The following LRRC4B variants were observed in gnomAD, a reference collection of about 807,000 sequenced individuals.
LRRC4B encodes leucine rich repeat containing 4B.
In LRRC4B, 1 loss-of-function variant was observed where a neutral mutation model predicts 7.3. The ratio of observed to expected loss-of-function variants is 0.14; its 90% confidence interval spans 0.05 to 0.65. The LOEUF is 0.65. Among genes scored for constraint, LRRC4B ranks in the 30% least tolerant of loss-of-function variants. The probability of loss-of-function intolerance (pLI) is 0.84; values close to 1 mark genes in which losing one functional copy is unlikely to be tolerated. For synonymous variants in LRRC4B, 500 were observed against 499.2 expected, an observed-to-expected ratio of 1.00 and a Z score of -0.02; for missense variants, 730 against 1,041.6, an observed-to-expected ratio of 0.70 and a Z score of 4.12.
chr19:50,552,628 T>TC (rs879523352), intron 1 of LRRC4B, among the ~76,000 whole-genome samples: 32 of 67,868 alleles, frequency 4.7e-4, no homozygotes, highest in East Asian at 1.2e-3. Context: ...ATCCATCCAT[T>TC]CATCCATCCG....
chr19:50,566,766 G>T (rs910603876), intron 1 of LRRC4B, among the ~76,000 whole-genome samples: 1 of 151,592 alleles, frequency 6.6e-6, no homozygotes, highest in African/African-American at 2.4e-5. Flanking sequence ...GGATTGGGGG[G>T]GTCTGAGACT....
chr19:50,538,131 C>A (rs930721646), intron 2 of LRRC4B, among the ~76,000 whole-genome samples: 1 of 94,236 alleles, frequency 1.1e-5, no homozygotes, highest in Non-Finnish European at 2.0e-5. Context: ...ACAATCTCAG[C>A]TCACTGCAAC....
Position 50,534,703 on chromosome 19 carries a change from T to C in LRRC4B, c.297+13839A>G, listed in dbSNP as rs375249323. On this transcript the variant is annotated intron_variant, in intron 2 of 2. Transcript: ENST00000652263. ...CAACTTGGCCTGTGTAGGGGGACTT[T>C]CCACTTTGGTTGTGGTAGGTAAATA... 4.6e-5 allele frequency among the ~76,000 whole-genome samples: 7 copies of C among 152,308 alleles called. No individual in the cohort carries two copies. The South Asian group carries it at 1.5e-3, about 32-fold the overall frequency.
At chr19:50,533,818 G>A (rs11879310) in intron 2 of LRRC4B, among the ~76,000 whole-genome samples, 15,651 of 152,216 alleles carry the variant, frequency 0.1, 860 homozygotes, top group African/African-American at 0.12. Flanking sequence ...ATATCTGGTG[G>A]TTCATAGCTG....
intron 1 of LRRC4B, among the ~76,000 whole-genome samples, chr19:50,559,277 A>G (rs975194228): frequency 2.6e-5 from 4 of 152,156 alleles, no homozygotes; most frequent in African/African-American, 9.7e-5. Context: ...TCTACTAAAA[A>G]TACAAAATTA....
chr19:50,525,216 CGAG>C (rs1219976996), intron 2 of LRRC4B, among the ~76,000 whole-genome samples: 2 of 152,116 alleles, frequency 1.3e-5, no homozygotes, highest in Non-Finnish European at 2.9e-5. Flanking sequence ...ACTCTTACCA[CGAG>C]GAGGATGATG....
chr19:50,526,908 C>T (rs1980834372), intron 2 of LRRC4B, among the ~76,000 whole-genome samples: 1 of 149,980 alleles, frequency 6.7e-6, no homozygotes, highest in African/African-American at 2.4e-5. Flanking sequence ...GGATGGAGTG[C>T]AGTGGCACAA....
At chr19:50,549,970 C>G (rs184636152) in intron 1 of LRRC4B, among the ~76,000 whole-genome samples, 29 of 152,260 alleles carry the variant, frequency 1.9e-4, no homozygotes, top group Non-Finnish European at 3.7e-4. Flanking sequence ...CCTCCCCAAT[C>G]TGTCCTGCCC....
chr19:50,559,324 C>G (rs1197566883), intron 1 of LRRC4B, among the ~76,000 whole-genome samples: 1 of 152,072 alleles, frequency 6.6e-6, no homozygotes, highest in African/African-American at 2.4e-5. Context: ...ATCCCAGCTA[C>G]TGGGGAGGCT....
intron 1 of LRRC4B, among the ~76,000 whole-genome samples, chr19:50,550,450 G>A (rs746408715): frequency 5.4e-5 from 4 of 74,100 alleles, no homozygotes; most frequent in Non-Finnish European, 1.2e-4. Context: ...CTCTCACGGT[G>A]GACTCTCAGG....
chr19:50,543,404 A>G (rs1305250938), intron 2 of LRRC4B, among the ~76,000 whole-genome samples: 1 of 151,026 alleles, frequency 6.6e-6, no homozygotes, highest in Non-Finnish European at 1.5e-5. Flanking sequence ...CAAATGAGGA[A>G]GCCACATAGA....
intron 1 of LRRC4B, among the ~76,000 whole-genome samples, chr19:50,558,793 C>A (rs1407054427): frequency 6.6e-6 from 1 of 152,252 alleles, no homozygotes; most frequent in Non-Finnish European, 1.5e-5. Flanking sequence ...CTGCCTGAGT[C>A]CCTGAAGTGC....
intron 2 of LRRC4B, among the ~76,000 whole-genome samples, chr19:50,533,965 G>A (rs1280811457): frequency 6.6e-6 from 1 of 152,174 alleles, no homozygotes; most frequent in Non-Finnish European, 1.5e-5. Context: ...ACCCTAAACT[G>A]AAACAGTTGG....
chr19:50,555,597 GAAGCTGAGTCCTCACC>G lies in LRRC4B; in HGVS notation c.-35-6740_-35-6725del, dbSNP rs1254338282. 6.6e-6 allele frequency: 1 copy of G among 152,528 alleles called. No individual in the cohort carries two copies. The highest frequency in any genetic ancestry group is 1.9e-4 in the East Asian group (1 of 5,208). 9.4% of individuals were successfully genotyped at this position (152,528 alleles called of 1,614,324 possible). On this transcript the variant is annotated intron_variant, in intron 1 of 2. Transcript: ENST00000652263. The surrounding 1 kb of genome is among the most constrained non-coding windows in gnomAD (Gnocchi z 5.2). ...GGGAGGGCCCGGGCACTCGAGGCGTGAAGCTGAGTCCTCACCGGCTTCGCCATCCTCCCCAGCCCCA... is the reference window on the plus strand; with the variant it reads ...GGGAGGGCCCGGGCACTCGAGGCGTGGGCTTCGCCATCCTCCCCAGCCCCA...
intron 2 of LRRC4B, among the ~76,000 whole-genome samples, chr19:50,525,320 T>A (rs769161121): frequency 2.0e-5 from 3 of 152,096 alleles, no homozygotes; most frequent in African/African-American, 7.2e-5. Flanking sequence ...ATCGTTATCG[T>A]TGGCGTTGAG....
chr19:50,561,457 G>T (rs1423374482), intron 1 of LRRC4B, among the ~76,000 whole-genome samples: 1 of 152,162 alleles, frequency 6.6e-6, no homozygotes, highest in Non-Finnish European at 1.5e-5. Flanking sequence ...AGACTTGTTG[G>T]CCGTGGTGGC....
At chr19:50,560,588 T>C (rs191998752) in intron 1 of LRRC4B, among the ~76,000 whole-genome samples, 1 of 152,146 alleles carries the variant, frequency 6.6e-6, no homozygotes, top group Non-Finnish European at 1.5e-5. Context: ...CACCGTCCTG[T>C]GAAGAGGAAG....
chr19:50,558,200 T>TAC (rs71182737), intron 1 of LRRC4B, among the ~76,000 whole-genome samples: 33,266 of 147,520 alleles, frequency 0.23, 4,041 homozygotes, highest in Admixed American at 0.36. Flanking sequence ...ACTGTATACA[T>TAC]ACACACACAC....
intron 2 of LRRC4B, among the ~76,000 whole-genome samples, chr19:50,521,270 G>A (rs1200037657): frequency 6.6e-6 from 1 of 152,154 alleles, no homozygotes; most frequent in Admixed American, 6.6e-5. Context: ...GGCAGGTGAG[G>A]TATCTGGGGC....
Sources: allele counts gnomAD v4.1 joint callset (sites outside exome capture counted in the v4.1 genomes callset), GRCh38; gene constraint gnomAD v4.1.1; non-coding constraint Gnocchi (gnomAD v3.1); transcripts MANE v1.5; gene names NCBI Gene and HGNC (gene_info 2026-07-23, HGNC 2026-07-21).